Variants in GALNT18 observed in about 807,000 individuals in gnomAD.
The protein encoded by GALNT18 is polypeptide N-acetylgalactosaminyltransferase 18, also known as GalNAc-transferase 18.
GALNT18 carries 44 observed loss-of-function variants against 69.5 expected under a neutral mutation model. That is an observed-to-expected ratio of 0.63 (90% CI 0.50 to 0.81). The LOEUF (loss-of-function observed/expected upper bound fraction) is 0.81. GALNT18 is among the 40% of genes least tolerant of loss of function. The pLI, the probability that GALNT18 is intolerant of heterozygous loss-of-function variation, is 0.00. For missense variants in GALNT18, 715 were observed against 810.0 expected (o/e 0.88, Z 1.42); for synonymous variants, 364 against 318.2 (o/e 1.14, Z -1.53).
At chr11:11,336,588 C>T (rs545013949) in intron 7 of GALNT18, among the ~76,000 whole-genome samples, 23 of 152,298 alleles carry the variant, frequency 1.5e-4, no homozygotes, top group African/African-American at 5.5e-4. Context: ...AGCTGGGATG[C>T]TGTAGACCAA....
intron 10 of GALNT18, among the ~76,000 whole-genome samples, chr11:11,276,016 CTCT>C (rs1315219005): frequency 6.6e-6 from 1 of 152,184 alleles, no homozygotes; most frequent in Non-Finnish European, 1.5e-5. Context: ...GCTATGCAGG[CTCT>C]TTTTTGGTTC....
intron 9 of GALNT18, among the ~76,000 whole-genome samples, chr11:11,303,093 C>T (rs900225349): frequency 1.3e-5 from 2 of 152,190 alleles, no homozygotes; most frequent in Non-Finnish European, 1.5e-5. Context: ...GGGCACTCCC[C>T]AGCCCTGGCC....
chr11:11,377,234 G>C lies in GALNT18; in HGVS notation c.925C>G (p.Leu309Val). ...GFDWELWCRY[L>V]NPPKAWWKLE... ...TTCCACCAGGCCTTGGGGGGATTTAGGTAGCGGCACCACAGCTCCCAGTCA... is the reference window on the plus strand; with the variant it reads ...TTCCACCAGGCCTTGGGGGGATTTACGTAGCGGCACCACAGCTCCCAGTCA... Residue 309 changes from leucine (L) to valine (V), a missense_variant, in exon 5 of 11, where the codon CTA becomes GTA. Leu to Val is a conservative substitution (Grantham distance 32). Transcript: ENST00000227756. The surrounding 1 kb of genome is among the most constrained non-coding windows in gnomAD (Gnocchi z 4.6). The C allele has an allele frequency of 6.2e-7, 1 of 1,613,792 alleles. No individual in the cohort carries two copies. The highest frequency in any genetic ancestry group is 2.2e-5 in the East Asian group (1 of 44,868).
chr11:11,301,304 G>C (rs566607653), intron 9 of GALNT18, among the ~76,000 whole-genome samples: 28 of 152,324 alleles, frequency 1.8e-4, no homozygotes, highest in Admixed American at 5.2e-4. Context: ...ATGTGTATTA[G>C]AAATGGGCTC....
chr11:11,610,468 A>G (rs1180785786), intron 1 of GALNT18, among the ~76,000 whole-genome samples: 1 of 152,198 alleles, frequency 6.6e-6, no homozygotes, highest in East Asian at 1.9e-4. Flanking sequence ...TGCTCAGCAA[A>G]CATTAATTCT....
Position 11,540,650 on chromosome 11 carries a change from T to C in GALNT18, c.235+80709A>G, listed in dbSNP as rs1463218026. ...GGCCTGCCCTGCGATTTGGGGGTGA[T>C]GCTTTGTGATTTTTCCTGCCACCTC... On this transcript the variant is annotated intron_variant, in intron 1 of 10. Coordinates refer to ENST00000227756, the MANE Select transcript of GALNT18 (RefSeq NM_198516.3). The surrounding 1 kb of genome is among the most constrained non-coding windows in gnomAD (Gnocchi z 4.6). Among the ~76,000 whole-genome samples, 1 of 152,184 alleles carries C rather than the reference T, an allele frequency of 6.6e-6. No homozygotes were observed. Among genetic ancestry groups the C allele is most frequent in the African/African-American group, 2.4e-5 (1 of 41,436 alleles).
At chr11:11,344,792 T>C (rs965577898) in intron 6 of GALNT18, among the ~76,000 whole-genome samples, 1 of 152,170 alleles carries the variant, frequency 6.6e-6, no homozygotes, top group African/African-American at 2.4e-5. Flanking sequence ...AAAGACACCC[T>C]GAACATGGGG....
At chr11:11,474,133 G>A (rs1856335724) in intron 1 of GALNT18, among the ~76,000 whole-genome samples, 1 of 152,120 alleles carries the variant, frequency 6.6e-6, no homozygotes, top group Admixed American at 6.5e-5. Context: ...AATAAACCAA[G>A]AACCCAGGTC....
At position 11,379,237 on chromosome 11, in the gene GALNT18, T is replaced by C; in HGVS notation, c.623A>G (p.Tyr208Cys). Reference protein sequence around the residue: ...NEELKEKLTEYVDKVNSQKPG... With the variant: ...NEELKEKLTECVDKVNSQKPG... Reference sequence around the variant, plus strand: ...CTTCTGGCTGTTCACCTTGTCCACATATTCGGTCAGCTTCTCCTTCAGTTC... The same window carrying C: ...CTTCTGGCTGTTCACCTTGTCCACACATTCGGTCAGCTTCTCCTTCAGTTC... Residue 208 changes from tyrosine (Y) to cysteine (C), a missense_variant, in exon 4 of 11, where the codon TAT (tyrosine) becomes TGT (cysteine). By Grantham distance (194) the Tyr-to-Cys change is radical. Transcript: ENST00000227756. 1 of 1,613,032 alleles carries C rather than the reference T, an allele frequency of 6.2e-7. No individual in the cohort carries two copies. Among genetic ancestry groups the C allele is most frequent in the Non-Finnish European group, 8.5e-7 (1 of 1,179,876 alleles).
chr11:11,280,233 C>G lies in GALNT18; in HGVS notation c.1678-8943G>C, dbSNP rs148270237. Among the ~76,000 whole-genome samples, 1,093 of 152,254 alleles carry G rather than the reference C, an allele frequency of 7.2e-3. 21 individuals carry two copies. Among genetic ancestry groups the G allele is most frequent in the African/African-American group, 0.025 (1,049 of 41,530 alleles). Reference sequence around the variant, plus strand: ...AAACTGAAACAGCAGCTGCTGGGGCCCACTGTTTGCCAGGGAGAAACCTGC... The same window carrying G: ...AAACTGAAACAGCAGCTGCTGGGGCGCACTGTTTGCCAGGGAGAAACCTGC... On this transcript the variant is annotated intron_variant, in intron 10 of 10. Transcript: ENST00000227756.
At position 11,356,092 on chromosome 11, in the gene GALNT18, T is replaced by C. The variant is rs1321545764; in HGVS notation, c.1093-15088A>G. 6.6e-6 allele frequency among the ~76,000 whole-genome samples: 1 copy of C among 152,232 alleles called. No homozygotes were observed. The highest frequency in any genetic ancestry group is 1.5e-5 in the Non-Finnish European group (1 of 68,044). On this transcript the variant is annotated intron_variant, in intron 6 of 10. Transcript: ENST00000227756. This position sits in a 1 kb window ranked among gnomAD's most constrained non-coding sequence, Gnocchi z 4.4. ...CCTACAGCACTAGAAAAAAATGTGC[T>C]CACAGGTACCCTGCCCTTTGCATTG...
rs1182165675 is a variant in GALNT18 at position 11,621,438 on chromosome 11, C to T, written c.156G>A (p.Leu52=). 1.2e-6 allele frequency: 2 copies of T among 1,614,184 alleles called. No individual in the cohort carries two copies. Among genetic ancestry groups the T allele is most frequent in the Non-Finnish European group, 1.7e-6 (2 of 1,180,032 alleles). Residue 52 remains leucine (L), a synonymous_variant, in exon 1 of 11, where the codon CTG becomes CTA. Coordinates refer to ENST00000227756, the MANE Select transcript of GALNT18 (RefSeq NM_198516.3). This position sits in a 1 kb window ranked among gnomAD's most constrained non-coding sequence, Gnocchi z 9.3. ...TCAGAGTGTCCCCTTTGTCTTCCTC[C>T]AGCTTCTTGTCGGGCGCCGGCTCCT... ...RGQEPAPDKK[L]EEDKGDTLKI... is the part of the protein sequence containing the mutation.
At chr11:11,611,594 G>A (rs1859901815) in intron 1 of GALNT18, among the ~76,000 whole-genome samples, 1 of 152,150 alleles carries the variant, frequency 6.6e-6, no homozygotes, top group Admixed American at 6.5e-5. Context: ...AGGGAATTGG[G>A]TGCTTCCCTG....
chr11:11,621,722 C>T lies in GALNT18; in HGVS notation c.-129G>A. ...ACCTCAGCACCTGAGTCCCGAGGTT[C>T]TCCAAAGCCCGGTCCGCTGCCGGTG... On this transcript the variant is annotated 5_prime_UTR_variant, in exon 1 of 11. Coordinates refer to ENST00000227756, the MANE Select transcript of GALNT18 (RefSeq NM_198516.3). The surrounding 1 kb of genome is among the most constrained non-coding windows in gnomAD (Gnocchi z 9.3). 3.0e-6 allele frequency: 2 copies of T among 670,076 alleles called. No homozygotes were observed. The highest frequency in any genetic ancestry group is 5.0e-6 in the Non-Finnish European group (2 of 397,654). 41.5% of individuals were successfully genotyped at this position (670,076 alleles called of 1,614,324 possible).
intron 5 of GALNT18, among the ~76,000 whole-genome samples, chr11:11,373,471 G>A (rs1035828422): frequency 3.3e-5 from 5 of 152,224 alleles, no homozygotes; most frequent in Non-Finnish European, 7.3e-5. Flanking sequence ...CAATACAGGG[G>A]CACAGGAGAA....
chr11:11,532,093 C>A (rs1220616490), intron 1 of GALNT18, among the ~76,000 whole-genome samples: 1 of 152,156 alleles, frequency 6.6e-6, no homozygotes, highest in East Asian at 1.9e-4. Context: ...GCCCCATTTT[C>A]TCCCATTCTG....
chr11:11,330,310 G>A (rs1350829147), intron 8 of GALNT18, among the ~76,000 whole-genome samples: 1 of 152,280 alleles, frequency 6.6e-6, no homozygotes, highest in East Asian at 1.9e-4. Flanking sequence ...AAGACATCTG[G>A]TCTCTTCATT....
chr11:11,443,128 G>A (rs1420798820), intron 2 of GALNT18, among the ~76,000 whole-genome samples: 1 of 152,198 alleles, frequency 6.6e-6, no homozygotes, highest in African/African-American at 2.4e-5. Context: ...ATGAGTCTGA[G>A]GCCGAAGCCG....
In GALNT18 at chr11:11,546,510, C is replaced by T. The variant is rs967498121; in HGVS notation, c.235+74849G>A. Reference sequence around the variant, plus strand: ...ACAATCCCGTCTCTATAGTCCTCTACAAATCAAATTCTGCCACTGCAATGC... The same window carrying T: ...ACAATCCCGTCTCTATAGTCCTCTATAAATCAAATTCTGCCACTGCAATGC... On this transcript the variant is annotated intron_variant, in intron 1 of 10. Transcript: ENST00000227756. The surrounding 1 kb of genome is among the most constrained non-coding windows in gnomAD (Gnocchi z 5.8). 6.6e-6 allele frequency among the ~76,000 whole-genome samples: 1 copy of T among 152,318 alleles called. No homozygotes were observed. The highest frequency in any genetic ancestry group is 1.9e-4 in the East Asian group (1 of 5,186).
Sources: gnomAD v4.1 joint callset for allele counts (sites outside exome capture counted in the v4.1 genomes callset) on GRCh38, gnomAD v4.1.1 for gene constraint, Gnocchi (gnomAD v3.1) non-coding constraint, MANE v1.5 for transcripts, NCBI Gene and HGNC (gene_info 2026-07-23, HGNC 2026-07-21) for gene names.